SC5D: variants seen among roughly 807,000 people sequenced by gnomAD.
SC5D encodes lathosterol oxidase.
Under a neutral mutation model 23.9 loss-of-function variants are expected in SC5D, and 21 were observed. The observed-to-expected ratio is 0.88, with a 90% CI of 0.62 to 1.26. The LOEUF (loss-of-function observed/expected upper bound fraction) is 1.26, where lower values mean the gene tolerates loss of function less well. Ranked by LOEUF, SC5D falls within the 50% of genes most tolerant of loss-of-function variation. The pLI is 0.00. For synonymous variants in SC5D, 113 were observed against 125.9 expected, an observed-to-expected ratio of 0.90 and a Z score of 0.68; for missense variants, 309 against 364.8, an observed-to-expected ratio of 0.85 and a Z score of 1.25.
intron 1 of SC5D, among the ~76,000 whole-genome samples, chr11:121,297,492 A>G (rs1947897525): frequency 6.6e-6 from 1 of 152,222 alleles, no homozygotes. Context: ...ATTTGATGAC[A>G]AATTCTCACT....
intron 2 of SC5D, 22 bp from the exon 3 acceptor site, chr11:121,304,339 G>A: frequency 6.2e-7 from 1 of 1,611,828 alleles, no homozygotes; most frequent in Non-Finnish European, 8.5e-7. Context: ...TGATTTTTAA[G>A]TATTGGAAAT....
chr11:121,305,923 G>C (rs903178864), intron 3 of SC5D: 11 of 180,050 alleles, frequency 6.1e-5, no homozygotes, highest in African/African-American at 2.4e-4. Flanking sequence ...AACCTGCCTG[G>C]TTAGAGTAGA....
In SC5D at chr11:121,308,609, T is replaced by A. The variant is rs1947986339; in HGVS notation, c.*1097T>A. The A allele has an allele frequency of 6.6e-6, 1 of 152,650 alleles. No homozygotes were observed. The highest frequency in any genetic ancestry group is 6.5e-5 in the Admixed American group (1 of 15,274). The allele number at this position is 152,650 out of a possible 1,614,324, so 9.5% of individuals were successfully genotyped here. A position where few individuals can be genotyped will look rare whatever the true frequency, so the allele number is the denominator to read the frequency against. On this transcript the variant is annotated 3_prime_UTR_variant, in exon 5 of 5. Coordinates refer to ENST00000264027, the MANE Select transcript of SC5D (RefSeq NM_006918.5). ...CATTCTATAAGCTATTTATGTAAAA[T>A]CAATAAAAGTTGATCATAATTAAAC...
At position 121,303,536 on chromosome 11, in the gene SC5D, A is replaced by G. The variant is rs1192802427; in HGVS notation, c.161A>G (p.Tyr54Cys). 6 of 1,613,950 alleles carry G rather than the reference A, an allele frequency of 3.7e-6. No individual in the cohort carries two copies. The highest frequency in any genetic ancestry group is 5.1e-6 in the Non-Finnish European group (6 of 1,179,916). ...TATTTCTTCTGTGCAACACTGAGCT[A>G]TTATTTTGTCTTCGATCATGCATTA... Reference protein sequence around the residue: ...ILYFFCATLSYYFVFDHALMK... With the variant: ...ILYFFCATLSCYFVFDHALMK... The change falls in exon 2 of 5, where the codon TAT becomes TGT. Residue 54 changes from tyrosine to cysteine, a missense_variant. Transcript: ENST00000264027.
chr11:121,311,215 A>C lies in SC5D; in HGVS notation c.*3703A>C, dbSNP rs1948007701. Reference sequence around the variant, plus strand: ...GTTGAATTTATTAATAAAATGGCAGAAATGTCATTCTCTTCCATATATGTT... The same window carrying C: ...GTTGAATTTATTAATAAAATGGCAGCAATGTCATTCTCTTCCATATATGTT... On this transcript the variant is annotated 3_prime_UTR_variant, in exon 5 of 5. Transcript: ENST00000264027. 6.6e-6 allele frequency among the ~76,000 whole-genome samples: 1 copy of C among 152,260 alleles called. No homozygotes were observed. The highest frequency in any genetic ancestry group is 1.5e-5 in the Non-Finnish European group (1 of 68,046).
At position 121,307,737 on chromosome 11, in the gene SC5D, G is replaced by T. The variant is rs1479584559; in HGVS notation, c.*225G>T. ...TCTTATGCTTAAAATGCCAGATGTT[G>T]TTCGGGGGACAACTTGTATCTTTCT... On this transcript the variant is annotated 3_prime_UTR_variant, in exon 5 of 5. Transcript: ENST00000264027. 4 of 458,606 alleles carry T rather than the reference G, an allele frequency of 8.7e-6. No individual in the cohort carries two copies. Among genetic ancestry groups the T allele is most frequent in the Non-Finnish European group, 1.5e-5 (4 of 258,246 alleles). The allele number at this position is 458,606 out of a possible 1,614,324, so 28.4% of individuals were successfully genotyped here. A position where few individuals can be genotyped will look rare whatever the true frequency, so the allele number is the denominator to read the frequency against.
chr11:121,309,502 T>C lies in SC5D; in HGVS notation c.*1990T>C, dbSNP rs1811132702. On this transcript the variant is annotated 3_prime_UTR_variant, in exon 5 of 5. Transcript: ENST00000264027. ...TCTCCTCTTGTTGATGTTGAAATGG[T>C]GAATGAGCCATAAAGTATTTCAGGT... Among the ~76,000 whole-genome samples the C allele has an allele frequency of 6.6e-6, 1 of 152,210 alleles. No individual in the cohort carries two copies. Among genetic ancestry groups the C allele is most frequent in the South Asian group, 2.1e-4 (1 of 4,830 alleles).
chr11:121,300,793 A>C (rs1191970346), intron 1 of SC5D, among the ~76,000 whole-genome samples: 1 of 152,214 alleles, frequency 6.6e-6, no homozygotes, highest in African/African-American at 2.4e-5. Flanking sequence ...AGTCAATTTT[A>C]GAGTGACAAC....
intron 1 of SC5D, among the ~76,000 whole-genome samples, chr11:121,294,410 A>G (rs1947874946): frequency 6.6e-6 from 1 of 152,182 alleles, no homozygotes; most frequent in African/African-American, 2.4e-5. Flanking sequence ...TCCTAGCTCC[A>G]GCATTTATTT....
chr11:121,294,993 C>T (rs1398251941), intron 1 of SC5D, among the ~76,000 whole-genome samples: 5 of 152,242 alleles, frequency 3.3e-5, no homozygotes, highest in Admixed American at 1.3e-4. Context: ...ACTTCAACTA[C>T]TACCTGTATA....
In SC5D at chr11:121,312,316, A is replaced by C. The variant is rs534926175; in HGVS notation, c.*4804A>C. On this transcript the variant is annotated 3_prime_UTR_variant, in exon 5 of 5. Coordinates refer to ENST00000264027, the MANE Select transcript of SC5D (RefSeq NM_006918.5). Reference sequence around the variant, plus strand: ...CTTTATTAAAATACATTTAAAATACAGCATTTTTAAATCTCTAAGCTCAAC... The same window carrying C: ...CTTTATTAAAATACATTTAAAATACCGCATTTTTAAATCTCTAAGCTCAAC... Among the ~76,000 whole-genome samples, 1 of 152,326 alleles carries C rather than the reference A, an allele frequency of 6.6e-6. No homozygotes were observed. The highest frequency in any genetic ancestry group is 1.9e-4 in the East Asian group (1 of 5,194).
chr11:121,302,132 A>G (rs964009819), intron 1 of SC5D, among the ~76,000 whole-genome samples: 3 of 152,216 alleles, frequency 2.0e-5, no homozygotes, highest in Non-Finnish European at 2.9e-5. Context: ...AGTGAAGGAA[A>G]TAGGCTACAA....
In SC5D at chr11:121,304,389, C is replaced by T; in HGVS notation, c.239C>T (p.Thr80Ile). 6.2e-7 allele frequency: 1 copy of T among 1,612,862 alleles called. No homozygotes were observed. The highest frequency in any genetic ancestry group is 8.5e-7 in the Non-Finnish European group (1 of 1,178,988). ...CAAGTCCGTCGAGAGATTAAGTTTA[C>T]TGTCCAGGCATTGCCATGGATAAGT... ...KNQVRREIKF[T>I]VQALPWISIL... is the part of the protein sequence containing the mutation. Residue 80 changes from threonine to isoleucine, a missense_variant, in exon 3 of 5, where the codon ACT (threonine) becomes ATT (isoleucine). Coordinates refer to ENST00000264027, the MANE Select transcript of SC5D (RefSeq NM_006918.5).
chr11:121,294,385 T>C (rs565849615), intron 1 of SC5D, among the ~76,000 whole-genome samples: 36 of 152,258 alleles, frequency 2.4e-4, no homozygotes, highest in African/African-American at 8.2e-4. Flanking sequence ...TGCAACTAGA[T>C]TGTGTGTATT....
Position 121,303,756 on chromosome 11 carries a change from C to G in SC5D, c.210+171C>G, listed in dbSNP as rs370259258. On this transcript the variant is annotated intron_variant, in intron 2 of 4. Coordinates refer to ENST00000264027, the MANE Select transcript of SC5D (RefSeq NM_006918.5). ...GAGGGTTAATCCCTGCTCTCCTTCCCTTAGTTTAAGCAAATCTAACTTTTT... is the reference window on the plus strand; with the variant it reads ...GAGGGTTAATCCCTGCTCTCCTTCCGTTAGTTTAAGCAAATCTAACTTTTT... The G allele has an allele frequency of 1.9e-4, 112 of 598,768 alleles. No homozygotes were observed. In the African/African-American group the frequency reaches 1.9e-3, roughly 10 times the overall value. 37.1% of individuals were successfully genotyped at this position (598,768 alleles called of 1,614,324 possible).
chr11:121,301,344 G>T (rs1393206126), intron 1 of SC5D, among the ~76,000 whole-genome samples: 5 of 150,526 alleles, frequency 3.3e-5, no homozygotes, highest in Admixed American at 3.3e-4. Flanking sequence ...GGAAACGCAG[G>T]TGTTGAAAAG....
Position 121,313,312 on chromosome 11 carries a change from A to AAT in SC5D, c.*5804_*5805dup. On this transcript the variant is annotated 3_prime_UTR_variant, in exon 5 of 5. Coordinates refer to ENST00000264027, the MANE Select transcript of SC5D (RefSeq NM_006918.5). ...TCATTGCTGAATAGTATTTCATTGT[A>AAT]ATATACCACAGTTGGTTTATGTATT... 6.6e-6 allele frequency among the ~76,000 whole-genome samples: 1 copy of AAT among 152,268 alleles called. No homozygotes were observed. The highest frequency in any genetic ancestry group is 1.5e-5 in the Non-Finnish European group (1 of 68,020).
At chr11:121,295,327 C>T (rs891704071) in intron 1 of SC5D, among the ~76,000 whole-genome samples, 11 of 152,238 alleles carry the variant, frequency 7.2e-5, no homozygotes, top group Admixed American at 2.0e-4. Flanking sequence ...TCTGGTAAGG[C>T]GGGACAACTC....
At chr11:121,294,634 A>G (rs1438545445) in intron 1 of SC5D, among the ~76,000 whole-genome samples, 2 of 152,178 alleles carry the variant, frequency 1.3e-5, no homozygotes, top group Non-Finnish European at 1.5e-5. Context: ...TTTATCTTCT[A>G]TTGAAGTAAT....
Sources: allele counts gnomAD v4.1 joint callset (sites outside exome capture counted in the v4.1 genomes callset), GRCh38; gene constraint gnomAD v4.1.1; transcripts MANE v1.5; gene names NCBI Gene and HGNC (gene_info 2026-07-23, HGNC 2026-07-21).